The following MTA3 variants were observed in gnomAD, a reference collection of about 807,000 sequenced individuals.
MTA3 encodes the protein metastasis-associated protein MTA3.
In MTA3, 34 loss-of-function variants were observed where a neutral mutation model predicts 83.5. The observed-to-expected ratio is 0.41, with a 90% CI of 0.31 to 0.54. The LOEUF (loss-of-function observed/expected upper bound fraction) is 0.54, where lower values mean the gene tolerates loss of function less well. Ranked by LOEUF, MTA3 falls within the 20% of genes least tolerant of loss-of-function variation. MTA3 has a pLI of 0.33. For missense variants in MTA3, 761 were observed against 726.4 expected (o/e 1.05, Z -0.55); for synonymous variants, 303 against 252.7 (o/e 1.20, Z -1.89).
At chr2:42,731,345 TCA>T in intron 16 of MTA3, among the ~76,000 whole-genome samples, 1 of 152,332 alleles carries the variant, frequency 6.6e-6, no homozygotes, top group Non-Finnish European at 1.5e-5. Flanking sequence ...TAGTCTGTTT[TCA>T]CACTGCTGAT....
Position 42,594,728 on chromosome 2 carries a change from A to ATATATATATATATATATT in MTA3, c.191-14729_191-14728insATATATATATATATATTT. 2.7e-3 allele frequency among the ~76,000 whole-genome samples: 65 copies of ATATATATATATATATATT among 24,024 alleles called. 2 individuals are homozygous for ATATATATATATATATATT. Among genetic ancestry groups the ATATATATATATATATATT allele is most frequent in the Non-Finnish European group, 3.7e-3 (57 of 15,438 alleles). 15.8% of individuals were successfully genotyped at this position (24,024 alleles called of 152,430 possible). ...TACATATATATATATATATATATAT[A>ATATATATATATATATATT]TTTTTTTTTTTTTTTTGAGACAGAG... On this transcript the variant is annotated intron_variant, in intron 3 of 16. Transcript: ENST00000405094.
chr2:42,695,451 A>G (rs1312676693), intron 9 of MTA3, among the ~76,000 whole-genome samples: 1 of 151,858 alleles, frequency 6.6e-6, no homozygotes, highest in Non-Finnish European at 1.5e-5. Flanking sequence ...CCTAACCAAC[A>G]TGGTGAAACC....
chr2:42,532,434 C>A (rs530281353), intron 2 of MTA3, among the ~76,000 whole-genome samples: 61 of 152,218 alleles, frequency 4.0e-4, no homozygotes, highest in Admixed American at 1.8e-3. Flanking sequence ...CCCTTCTACC[C>A]GGAAGGCAGA....
intron 3 of MTA3, among the ~76,000 whole-genome samples, chr2:42,580,829 C>T (rs564661302): frequency 9.2e-5 from 14 of 152,246 alleles, no homozygotes; most frequent in Middle Eastern, 3.4e-3. Context: ...CTCCTGACCT[C>T]AAGTGATCCG....
At chr2:42,676,413 A>C (rs867300877) in intron 8 of MTA3, among the ~76,000 whole-genome samples, 1 of 152,218 alleles carries the variant, frequency 6.6e-6, no homozygotes, top group South Asian at 2.1e-4. Context: ...TTGGTGTAGC[A>C]TCAGCTGAGA....
At chr2:42,639,367 T>A (rs1210649348) in intron 4 of MTA3, among the ~76,000 whole-genome samples, 1 of 152,204 alleles carries the variant, frequency 6.6e-6, no homozygotes, top group Non-Finnish European at 1.5e-5. Flanking sequence ...GACCAGTATT[T>A]GTAACTTGAA....
chr2:42,648,671 G>A (rs573575384), intron 6 of MTA3, among the ~76,000 whole-genome samples: 1 of 152,080 alleles, frequency 6.6e-6, no homozygotes, highest in East Asian at 1.9e-4. Flanking sequence ...AAGTAAAGGC[G>A]TCTTTTAGAT....
intron 4 of MTA3, among the ~76,000 whole-genome samples, chr2:42,635,216 T>A (rs1372015299): frequency 6.6e-6 from 1 of 152,216 alleles, no homozygotes; most frequent in African/African-American, 2.4e-5. Flanking sequence ...TTTATTTTTT[T>A]ATTTGATTGT....
intron 3 of MTA3, among the ~76,000 whole-genome samples, chr2:42,602,453 C>T (rs148113695): frequency 6.6e-6 from 1 of 152,198 alleles, no homozygotes; most frequent in East Asian, 1.9e-4. Flanking sequence ...AAACTTGTCA[C>T]AGAAATTTTA....
intron 14 of MTA3, chr2:42,709,357 A>T: frequency 8.1e-7 from 1 of 1,230,220 alleles, no homozygotes; most frequent in Non-Finnish European, 1.0e-6. Context: ...GTGGGAGGTG[A>T]TCCTATTCCA....
rs1363676639 is a variant in MTA3, at chr2:42,593,342, CTCTG to C, written c.190+14144_190+14147del. ...CTCCAGCCTGGGTGACAGAGCGAGA[CTCTG>C]TGTCAAAACAAAAAAAAGTATAGTA... On this transcript the variant is annotated intron_variant, in intron 3 of 16. Coordinates refer to ENST00000405094, the MANE Select transcript of MTA3 (RefSeq NM_001330442.2). Among the ~76,000 whole-genome samples the C allele has an allele frequency of 1.6e-4, 10 of 63,080 alleles. No individual in the cohort carries two copies. The South Asian group carries it at 7.9e-3, about 50-fold the overall frequency. The allele number at this position is 63,080 out of a possible 152,430, so 41.4% of individuals were successfully genotyped here.
intron 9 of MTA3, among the ~76,000 whole-genome samples, chr2:42,686,529 AAAAAG>A (rs995125577): frequency 6.6e-6 from 1 of 152,056 alleles, no homozygotes; most frequent in Non-Finnish European, 1.5e-5. Flanking sequence ...CTTAAAAAAA[AAAAAG>A]AAAGAACAGT....
chr2:42,680,003 A>G (rs957704761), intron 8 of MTA3: 1 of 152,334 alleles, frequency 6.6e-6, no homozygotes, highest in Non-Finnish European at 1.5e-5. Context: ...TATATAATAT[A>G]CAAACTATTC....
rs115003279 is a variant in MTA3 at position 42,690,188 on chromosome 2, G to A, written c.892-5577G>A. Among the ~76,000 whole-genome samples, 610 of 152,238 alleles carry A rather than the reference G, an allele frequency of 4.0e-3. 1 individual carries two copies. Among genetic ancestry groups the A allele is most frequent in the Non-Finnish European group, 6.8e-3 (465 of 68,014 alleles). On this transcript the variant is annotated intron_variant, in intron 9 of 16. Coordinates refer to ENST00000405094, the MANE Select transcript of MTA3 (RefSeq NM_001330442.2). ...TCTCAGTTAACCAAACAAACAAAAAGATTGAAGCGTGCATCATTAATTTGA... is the reference window on the plus strand; with the variant it reads ...TCTCAGTTAACCAAACAAACAAAAAAATTGAAGCGTGCATCATTAATTTGA...
At chr2:42,559,202 C>T (rs898523974) in intron 2 of MTA3, among the ~76,000 whole-genome samples, 6 of 152,126 alleles carry the variant, frequency 3.9e-5, no homozygotes, top group African/African-American at 1.4e-4. Flanking sequence ...ACCTGGGAGT[C>T]CCAACAAGTT....
intron 16 of MTA3, among the ~76,000 whole-genome samples, chr2:42,735,532 AT>A (rs1439329283): frequency 6.6e-6 from 1 of 152,156 alleles, no homozygotes; most frequent in Non-Finnish European, 1.5e-5. Flanking sequence ...GTTTTCTGTT[AT>A]CCCTTTGAAT....
At chr2:42,534,565 C>A (rs1676132026) in intron 2 of MTA3, among the ~76,000 whole-genome samples, 1 of 151,840 alleles carries the variant, frequency 6.6e-6, no homozygotes, top group Non-Finnish European at 1.5e-5. Context: ...CCACCGCACT[C>A]CAGCCTGGGC....
chr2:42,735,815 T>C (rs1298933474), intron 16 of MTA3, among the ~76,000 whole-genome samples: 1 of 152,196 alleles, frequency 6.6e-6, no homozygotes, highest in African/African-American at 2.4e-5. Flanking sequence ...GTCTTTTAAA[T>C]TATTTCAGCA....
intron 14 of MTA3, among the ~76,000 whole-genome samples, chr2:42,711,775 A>AGTGTGTGTGTGTGTGTGTGTGTGTGT (rs372997456): frequency 7.2e-6 from 1 of 139,410 alleles, no homozygotes; most frequent in African/African-American, 2.8e-5. Context: ...TGTATAGGAG[A>AGTGTGTGTGTGTGTGTGTGTGTGTGT]GAGAGAGAGT....
Sources: allele counts gnomAD v4.1 joint callset (sites outside exome capture counted in the v4.1 genomes callset), GRCh38; gene constraint gnomAD v4.1.1; transcripts MANE v1.5; gene names NCBI Gene and HGNC (gene_info 2026-07-23, HGNC 2026-07-21).